The following KDM4C variants were observed in gnomAD, a reference collection of about 807,000 sequenced individuals.
KDM4C encodes lysine-specific demethylase 4C.
Under a neutral mutation model 129.3 loss-of-function variants are expected in KDM4C, and 81 were observed. The observed-to-expected ratio is 0.63, with a 90% confidence interval of 0.52 to 0.75. The LOEUF is 0.75. Among genes scored for constraint, KDM4C ranks in the 30% least tolerant of loss-of-function variants. The pLI, the probability that KDM4C is intolerant of heterozygous loss-of-function variation, is 0.00. For synonymous variants in KDM4C, 573 were observed against 456.1 expected (o/e 1.26, Z -3.26); for missense variants, 1,457 against 1,304.0 (o/e 1.12, Z -1.81).
intron 8 of KDM4C, among the ~76,000 whole-genome samples, chr9:6,950,051 T>A (rs1827844451): frequency 6.9e-6 from 1 of 145,518 alleles, no homozygotes; most frequent in African/African-American, 2.5e-5. Flanking sequence ...GGTTTTTTTT[T>A]TTTTTTTGGT....
At chr9:6,815,390 A>C (rs964499308) in intron 4 of KDM4C, among the ~76,000 whole-genome samples, 23 of 151,968 alleles carry the variant, frequency 1.5e-4, no homozygotes, top group African/African-American at 5.6e-4. Flanking sequence ...TGAAATATTT[A>C]TTTCAAAACA....
intron 8 of KDM4C, among the ~76,000 whole-genome samples, chr9:6,913,074 CTA>C (rs1215040935): frequency 1.3e-5 from 2 of 152,128 alleles, no homozygotes; most frequent in South Asian, 4.1e-4. Context: ...GAAGTGAAAA[CTA>C]TGACATACTT....
At chr9:6,959,817 G>C (rs1356572388) in intron 8 of KDM4C, among the ~76,000 whole-genome samples, 1 of 152,046 alleles carries the variant, frequency 6.6e-6, no homozygotes, top group Non-Finnish European at 1.5e-5. Context: ...AAAAGGAAAT[G>C]CCTGTCAACT....
chr9:6,988,001 AAAAT>A (rs1818026124), intron 11 of KDM4C, among the ~76,000 whole-genome samples: 1 of 151,592 alleles, frequency 6.6e-6, no homozygotes, highest in Non-Finnish European at 1.5e-5. Flanking sequence ...CTACAAAAAA[AAAAT>A]AAAAAAAAAT....
chr9:7,087,462 G>A (rs1018337468), intron 17 of KDM4C, among the ~76,000 whole-genome samples: 3 of 151,904 alleles, frequency 2.0e-5, no homozygotes, highest in Admixed American at 2.0e-4. Context: ...GCTTTGATCA[G>A]TTATAAACTG....
intron 17 of KDM4C, among the ~76,000 whole-genome samples, chr9:7,073,727 TTAAA>T (rs1183073986): frequency 3.3e-5 from 5 of 152,252 alleles, no homozygotes; most frequent in Non-Finnish European, 2.9e-5. Context: ...AGAAATATTC[TTAAA>T]TTAAGTTTGA....
chr9:6,771,365 G>T (rs1397519611), intron 1 of KDM4C, among the ~76,000 whole-genome samples: 3 of 152,030 alleles, frequency 2.0e-5, no homozygotes, highest in African/African-American at 7.2e-5. Context: ...AGGCTGGAGT[G>T]CAATGTTACG....
intron 2 of KDM4C, among the ~76,000 whole-genome samples, chr9:6,799,695 ATTAATT>A (rs1395918815): frequency 7.1e-6 from 1 of 141,090 alleles, no homozygotes; most frequent in Non-Finnish European, 1.5e-5. Flanking sequence ...TACACATAAT[ATTAATT>A]TTGATTGTGG....
intron 19 of KDM4C, 73 bp from the exon 20 acceptor site, chr9:7,165,165 C>T: frequency 6.4e-7 from 1 of 1,552,750 alleles, no homozygotes; most frequent in Non-Finnish European, 8.7e-7. Flanking sequence ...GCCAGGAGTT[C>T]ATCATTTGCT....
intron 19 of KDM4C, among the ~76,000 whole-genome samples, chr9:7,131,430 A>G (rs1840629287): frequency 1.3e-5 from 2 of 152,124 alleles, no homozygotes; most frequent in African/African-American, 2.4e-5. Context: ...TAGGAGATAC[A>G]CTTGTAGAAA....
intron 8 of KDM4C, among the ~76,000 whole-genome samples, chr9:6,952,641 A>G (rs144107933): frequency 5.8e-4 from 88 of 152,044 alleles, no homozygotes; most frequent in African/African-American, 1.9e-3. Flanking sequence ...GGGTTTCACT[A>G]TGTTGGCCAG....
At chr9:6,984,139 T>G (rs759914705) in intron 9 of KDM4C, 27 bp from the exon 10 acceptor site, 19 of 1,492,012 alleles carry the variant, frequency 1.3e-5, no homozygotes, top group Non-Finnish European at 1.5e-5. Context: ...GACATCCCGC[T>G]CTGACCACTG....
chr9:6,925,151 C>T (rs1822244831), intron 8 of KDM4C: 1 of 985,426 alleles, frequency 1.0e-6, no homozygotes, highest in South Asian at 4.7e-5. Flanking sequence ...AGCAGTGCCT[C>T]ACTGGAAGTC....
chr9:6,725,237 A>G (rs571970942), intron 1 of KDM4C, among the ~76,000 whole-genome samples: 1 of 152,058 alleles, frequency 6.6e-6, no homozygotes, highest in East Asian at 1.9e-4. Context: ...GGTAGAGCGC[A>G]GTGTGTTTGG....
At chr9:7,033,556 C>T (rs1228926953) in intron 15 of KDM4C, among the ~76,000 whole-genome samples, 2 of 152,188 alleles carry the variant, frequency 1.3e-5, no homozygotes, top group African/African-American at 4.8e-5. Flanking sequence ...GACAGCATAG[C>T]TATGATGTGG....
At chr9:6,819,116 C>T (rs1284031342) in intron 4 of KDM4C, 1 of 151,942 alleles carries the variant, frequency 6.6e-6, no homozygotes, top group Non-Finnish European at 1.5e-5. Context: ...CTTTTTGTTC[C>T]CTTATTTTTG....
chr9:6,779,040 T>TC, intron 1 of KDM4C, among the ~76,000 whole-genome samples: 1 of 144,176 alleles, frequency 6.9e-6, no homozygotes, highest in East Asian at 2.0e-4. Flanking sequence ...GTCTTTTTTT[T>TC]TTTTTTGAGA....
intron 19 of KDM4C, among the ~76,000 whole-genome samples, chr9:7,136,453 A>G (rs1286940076): frequency 6.6e-6 from 1 of 152,200 alleles, no homozygotes; most frequent in Non-Finnish European, 1.5e-5. Context: ...CACCAGCAAC[A>G]TTTGAGGTTA....
intron 19 of KDM4C, among the ~76,000 whole-genome samples, chr9:7,143,665 A>T (rs950443570): frequency 6.6e-6 from 1 of 152,192 alleles, no homozygotes; most frequent in African/African-American, 2.4e-5. Context: ...ATTCTTCTTA[A>T]TTTCACATTA....
Sources: allele counts gnomAD v4.1 joint callset (sites outside exome capture counted in the v4.1 genomes callset), GRCh38; gene constraint gnomAD v4.1.1; transcripts MANE v1.5; gene names NCBI Gene and HGNC (gene_info 2026-07-23, HGNC 2026-07-21).